The following TENM2 variants were observed in gnomAD, a reference collection of about 807,000 sequenced individuals.
TENM2 encodes teneurin transmembrane protein 2, also known as teneurin-2.
In TENM2, 52 loss-of-function variants were observed where a neutral mutation model predicts 245.2. That is an observed-to-expected ratio of 0.21 (90% CI 0.17 to 0.27). The LOEUF is 0.27. Ranked by LOEUF, TENM2 falls within the 10% of genes least tolerant of loss-of-function variation. TENM2 has a pLI of 1.00. For synonymous variants in TENM2, 1,363 were observed against 1,438.9 expected, an observed-to-expected ratio of 0.95 and a Z score of 1.19; for missense variants, 3,046 against 3,666.8, an observed-to-expected ratio of 0.83 and a Z score of 4.37.
the TENM2 span, among the ~76,000 whole-genome samples, chr5:167,122,205 G>A: frequency 6.6e-6 from 1 of 151,958 alleles, no homozygotes; most frequent in African/African-American, 2.4e-5. Flanking sequence ...TGAGACCTAA[G>A]GTCCCAATTT....
intron 2 of TENM2, among the ~76,000 whole-genome samples, chr5:167,490,358 A>G (rs948758076): frequency 2.6e-5 from 4 of 152,020 alleles, no homozygotes; most frequent in Admixed American, 2.6e-4. Context: ...ATCTTTGTAC[A>G]TTTCTCAAAA....
chr5:167,816,561 G>T (rs1304132855), intron 2 of TENM2, among the ~76,000 whole-genome samples: 1 of 152,190 alleles, frequency 6.6e-6, no homozygotes, highest in Non-Finnish European at 1.5e-5. Context: ...AGTTCCTCGG[G>T]TTGCTGTGTT....
Position 168,034,626 on chromosome 5 carries a change from C to A in TENM2, c.1187-12801C>A, listed in dbSNP as rs1787500062. Among the ~76,000 whole-genome samples, 3 of 150,882 alleles carry A rather than the reference C, an allele frequency of 2.0e-5. No homozygotes were observed. In the South Asian group the frequency reaches 6.3e-4, roughly 32 times the overall value. Reference sequence around the variant, plus strand: ...AATAAAAAATAATAACTTTAACTGACCAGGAATGGTGACGCATACCTGTAG... The same window carrying A: ...AATAAAAAATAATAACTTTAACTGAACAGGAATGGTGACGCATACCTGTAG... On this transcript the variant is annotated intron_variant, in intron 5 of 28. Coordinates refer to ENST00000518659, the Ensembl canonical transcript of TENM2.
intron 2 of TENM2, among the ~76,000 whole-genome samples, chr5:167,498,040 A>G (rs1221994420): frequency 6.6e-6 from 1 of 152,148 alleles, no homozygotes; most frequent in Non-Finnish European, 1.5e-5. Flanking sequence ...GACTGACCAA[A>G]GAGTATGAGT....
At chr5:167,602,595 A>G (rs1776716735) in intron 2 of TENM2, among the ~76,000 whole-genome samples, 2 of 152,240 alleles carry the variant, frequency 1.3e-5, no homozygotes, top group African/African-American at 2.4e-5. Flanking sequence ...GCTCAAGTCC[A>G]TTGAAAAAGA....
chr5:167,880,494 C>G (rs1390949802), intron 3 of TENM2, among the ~76,000 whole-genome samples: 1 of 151,690 alleles, frequency 6.6e-6, no homozygotes, highest in South Asian at 2.1e-4. Flanking sequence ...GCAACCAAAG[C>G]AAAAAGGGAA....
At chr5:167,318,507 C>G (rs1485024186) in intron 1 of TENM2, among the ~76,000 whole-genome samples, 3 of 151,868 alleles carry the variant, frequency 2.0e-5, no homozygotes, top group Admixed American at 2.0e-4. Context: ...ATAACTATCT[C>G]AGTGATTAAA....
chr5:167,714,528 T>C (rs1484413102), intron 2 of TENM2, among the ~76,000 whole-genome samples: 4 of 152,218 alleles, frequency 2.6e-5, no homozygotes, highest in African/African-American at 9.6e-5. Context: ...TTGTTTTGCA[T>C]GCACCTGGGC....
chr5:167,177,126 G>C, the TENM2 span, among the ~76,000 whole-genome samples: 1 of 151,968 alleles, frequency 6.6e-6, no homozygotes, highest in East Asian at 1.9e-4. Context: ...TGAGACAAAG[G>C]GGAAATGAAT....
At chr5:167,857,419 A>C (rs991762715) in intron 2 of TENM2, among the ~76,000 whole-genome samples, 1 of 152,186 alleles carries the variant, frequency 6.6e-6, no homozygotes, top group African/African-American at 2.4e-5. Context: ...TACACACATC[A>C]ATCTGAATTT....
At chr5:168,223,665 C>T (rs1023807732) in intron 23 of TENM2, among the ~76,000 whole-genome samples, 1 of 151,996 alleles carries the variant, frequency 6.6e-6, no homozygotes, top group African/African-American at 2.4e-5. Flanking sequence ...CAGGGTTTCA[C>T]CATGTTGGCC....
At chr5:168,203,642 A>G (rs747854263) in intron 17 of TENM2, 47 bp from the exon 20 acceptor site, 2 of 1,528,856 alleles carry the variant, frequency 1.3e-6, no homozygotes, top group Admixed American at 3.6e-5. Context: ...GTAATCAAGT[A>G]AACTCTCTCT....
At chr5:167,037,745 A>G in the TENM2 span, among the ~76,000 whole-genome samples, 1 of 152,202 alleles carries the variant, frequency 6.6e-6, no homozygotes, top group South Asian at 2.1e-4. Flanking sequence ...AGGGAAAGTG[A>G]CATTTCTTGG....
chr5:167,222,065 G>A, the TENM2 span, among the ~76,000 whole-genome samples: 1 of 152,128 alleles, frequency 6.6e-6, no homozygotes, highest in Non-Finnish European at 1.5e-5. Flanking sequence ...TGTTAAAGCT[G>A]ACTAAGAACT....
rs1221796398 is a variant in TENM2, at chr5:167,738,105, C to T, written c.503-137881C>T. Among the ~76,000 whole-genome samples, 2 of 152,208 alleles carry T rather than the reference C, an allele frequency of 1.3e-5. 1 individual carries two copies. Among genetic ancestry groups the T allele is most frequent in the East Asian group, 3.8e-4 (2 of 5,200 alleles). On this transcript the variant is annotated intron_variant, in intron 2 of 28. Coordinates refer to ENST00000518659, the Ensembl canonical transcript of TENM2. ...CTTGCTTTTCAGCATTTGCTGGGCA[C>T]CCACAGGGTTCTGGCACTCCAGCAA...
the TENM2 span, among the ~76,000 whole-genome samples, chr5:167,110,966 A>G: frequency 6.6e-6 from 1 of 152,174 alleles, no homozygotes; most frequent in Admixed American, 6.5e-5. Flanking sequence ...TTGCTCTAGC[A>G]TGGATTATTT....
At chr5:167,356,000 C>T (rs1015390008) in intron 1 of TENM2, among the ~76,000 whole-genome samples, 3 of 150,132 alleles carry the variant, frequency 2.0e-5, no homozygotes, top group African/African-American at 4.9e-5. Flanking sequence ...CTGGCCAACA[C>T]GGTGAAACCC....
intron 2 of TENM2, among the ~76,000 whole-genome samples, chr5:167,619,917 T>C (rs1415509139): frequency 6.6e-6 from 1 of 152,156 alleles, no homozygotes; most frequent in Admixed American, 6.6e-5. Flanking sequence ...AAATTCAAGT[T>C]GCATAACTCG....
chr5:168,217,572 A>G lies in TENM2; in HGVS notation c.4234-553A>G, dbSNP rs369714151. On this transcript the variant is annotated intron_variant, in intron 22 of 28. Coordinates refer to ENST00000518659, the Ensembl canonical transcript of TENM2. ...TACTGAGATTTTTATTTCAAATTCC[A>G]TAGAGGAAGGATGCGTTCGGTTCCG... Among the ~76,000 whole-genome samples the G allele has an allele frequency of 3.3e-5, 5 of 152,196 alleles. No individual in the cohort carries two copies. In the East Asian group the frequency reaches 9.6e-4, roughly 29 times the overall value.
Sources: allele counts gnomAD v4.1 joint callset (sites outside exome capture counted in the v4.1 genomes callset), GRCh38; gene constraint gnomAD v4.1.1; transcripts MANE v1.5; gene names NCBI Gene and HGNC (gene_info 2026-07-23, HGNC 2026-07-21).